ACOT7: variants seen among roughly 807,000 people sequenced by gnomAD.
ACOT7 encodes the protein cytosolic acyl coenzyme A thioester hydrolase.
ACOT7 carries 12 observed loss-of-function variants against 40.2 expected under a neutral mutation model. The ratio of observed to expected loss-of-function variants is 0.30; its 90% CI spans 0.19 to 0.48. ACOT7 has a LOEUF of 0.48. Ranked by LOEUF, ACOT7 falls within the 20% of genes least tolerant of loss-of-function variation. ACOT7 has a pLI of 0.99. For synonymous variants in ACOT7, 228 were observed against 219.5 expected, an observed-to-expected ratio of 1.04 and a Z score of -0.34; for missense variants, 395 against 530.8, an observed-to-expected ratio of 0.74 and a Z score of 2.51.
At chr1:6,393,127 G>A in intron 1 of ACOT7, 130 bp downstream of exon 1, 6 of 1,053,198 alleles carry the variant, frequency 5.7e-6, no homozygotes, top group Non-Finnish European at 7.1e-6. Flanking sequence ...CGGCGGCGCG[G>A]AAGGCCGTGC....
chr1:6,361,035 A>G (rs572539152), intron 1 of ACOT7, among the ~76,000 whole-genome samples: 1 of 152,368 alleles, frequency 6.6e-6, no homozygotes, highest in African/African-American at 2.4e-5. Context: ...ATGTCTAGAA[A>G]TGTTCATAGC....
At chr1:6,287,985 C>A (rs1037575066) in intron 7 of ACOT7, among the ~76,000 whole-genome samples, 1 of 152,176 alleles carries the variant, frequency 6.6e-6, no homozygotes, top group Non-Finnish European at 1.5e-5. Context: ...TAGGTTTTCT[C>A]ACCAAGTGCT....
chr1:6,295,261 G>A (rs1639780853), intron 6 of ACOT7: 1 of 268,574 alleles, frequency 3.7e-6, no homozygotes, highest in Non-Finnish European at 7.1e-6. Context: ...TGCTGGGCAA[G>A]TTTTGTTACA....
rs1429161353 is a variant in ACOT7 at position 6,289,830 on chromosome 1, C to T, written c.829+5034G>A. Among the ~76,000 whole-genome samples the T allele has an allele frequency of 6.6e-6, 1 of 152,112 alleles. No homozygotes were observed. Among genetic ancestry groups the T allele is most frequent in the Non-Finnish European group, 1.5e-5 (1 of 68,038 alleles). On this transcript the variant is annotated intron_variant, in intron 7 of 8. Coordinates refer to ENST00000361521, the MANE Select transcript of ACOT7 (RefSeq NM_007274.4). This position sits in a 1 kb window ranked among gnomAD's most constrained non-coding sequence, Gnocchi z 4.6. Reference sequence around the variant, plus strand: ...CAGGCTTGAGCCATCGTGCCCAGGCCCAGCTATTTTTCTAATAAAATATGC... The same window carrying T: ...CAGGCTTGAGCCATCGTGCCCAGGCTCAGCTATTTTTCTAATAAAATATGC...
rs565129079 is a variant in ACOT7, at chr1:6,311,241, T to C, written c.712+7251A>G. Among the ~76,000 whole-genome samples the C allele has an allele frequency of 6.6e-6, 1 of 152,212 alleles. No homozygotes were observed. The highest frequency in any genetic ancestry group is 1.5e-5 in the Non-Finnish European group (1 of 68,038). On this transcript the variant is annotated intron_variant, in intron 6 of 8. Coordinates refer to ENST00000361521, the MANE Select transcript of ACOT7 (RefSeq NM_007274.4). This position sits in a 1 kb window ranked among gnomAD's most constrained non-coding sequence, Gnocchi z 5.2. The stretch of plus-strand genomic sequence containing the variant: ...TAGTTTTTACTCAGAGCCGATGTGA[T>C]CAGTAAACGTTGAGGTTCTTTTCTA...
At position 6,359,833 on chromosome 1, in the gene ACOT7, A is replaced by G. The variant is rs12735675; in HGVS notation, c.144-9967T>C. ...GAGTGCAGGCCGCACAGCCTCAACC[A>G]GGCTGCACCCGCCGGCCTCTGGGCA... On this transcript the variant is annotated intron_variant, in intron 1 of 8. Coordinates refer to ENST00000361521, the MANE Select transcript of ACOT7 (RefSeq NM_007274.4). The surrounding 1 kb of genome is among the most constrained non-coding windows in gnomAD (Gnocchi z 4.1). 2.6e-5 allele frequency among the ~76,000 whole-genome samples: 4 copies of G among 152,136 alleles called. No homozygotes were observed. The highest frequency in any genetic ancestry group is 5.9e-5 in the Non-Finnish European group (4 of 68,044).
intron 8 of ACOT7, among the ~76,000 whole-genome samples, chr1:6,276,988 C>T (rs1033785975): frequency 6.7e-6 from 1 of 150,290 alleles, no homozygotes; most frequent in Non-Finnish European, 1.5e-5. Flanking sequence ...TGCACTCTGA[C>T]CACCCCCCCC....
intron 8 of ACOT7, among the ~76,000 whole-genome samples, chr1:6,271,607 G>A (rs1386832735): frequency 6.7e-6 from 1 of 148,670 alleles, no homozygotes; most frequent in Non-Finnish European, 1.5e-5. Flanking sequence ...GAGCCTGTCC[G>A]CCATCCGCTG....
chr1:6,354,449 G>A (rs959592039), intron 1 of ACOT7, among the ~76,000 whole-genome samples: 1 of 152,276 alleles, frequency 6.6e-6, no homozygotes, highest in African/African-American at 2.4e-5. Context: ...CCCAAAAGGG[G>A]GTGAAGAAGC....
At chr1:6,384,574 T>G (rs554137995) in intron 1 of ACOT7, among the ~76,000 whole-genome samples, 1 of 151,922 alleles carries the variant, frequency 6.6e-6, no homozygotes, top group African/African-American at 2.4e-5. Context: ...CTTCTCCAAC[T>G]CTCCGACACT....
intron 6 of ACOT7, among the ~76,000 whole-genome samples, chr1:6,305,076 AC>A (rs1250445579): frequency 1.5e-5 from 2 of 132,906 alleles, no homozygotes; most frequent in African/African-American, 2.9e-5. Context: ...CGGGGGGCTG[AC>A]CCCCCCACAT....
At chr1:6,332,370 A>G (rs1640979221) in intron 4 of ACOT7, among the ~76,000 whole-genome samples, 1 of 152,058 alleles carries the variant, frequency 6.6e-6, no homozygotes, top group Non-Finnish European at 1.5e-5. Flanking sequence ...GGCACAGGAG[A>G]AGGAGGCGAG....
At chr1:6,338,000 CAAAAAAAA>C (rs769360339) in intron 3 of ACOT7, among the ~76,000 whole-genome samples, 3 of 71,812 alleles carry the variant, frequency 4.2e-5, no homozygotes, top group African/African-American at 8.1e-5. Flanking sequence ...GACACCATCT[CAAAAAAAA>C]AAAAAAAAAA....
chr1:6,267,344 A>T (rs1638881198), intron 8 of ACOT7, among the ~76,000 whole-genome samples: 1 of 152,172 alleles, frequency 6.6e-6, no homozygotes, highest in African/African-American at 2.4e-5. Context: ...GGCTCTGCGG[A>T]GCCAACGCCA....
At chr1:6,380,545 C>T (rs148493260) in intron 1 of ACOT7, among the ~76,000 whole-genome samples, 7,572 of 147,424 alleles carry the variant, frequency 0.051, 336 homozygotes, top group Middle Eastern at 0.082. Flanking sequence ...GCTGAGATCA[C>T]GCCACTGCAC....
At chr1:6,349,043 C>G (rs979964653) in intron 2 of ACOT7, among the ~76,000 whole-genome samples, 3 of 152,192 alleles carry the variant, frequency 2.0e-5, no homozygotes, top group African/African-American at 7.2e-5. Flanking sequence ...AAGGCAGACG[C>G]CCTGTCCTCA....
intron 2 of ACOT7, among the ~76,000 whole-genome samples, chr1:6,348,733 C>A (rs2148454361): frequency 6.6e-6 from 1 of 152,348 alleles, no homozygotes; most frequent in African/African-American, 2.4e-5. Context: ...CCATTGTTCA[C>A]AAGCCAGCAG....
rs1640169570 is a variant in ACOT7, at chr1:6,306,812, A to C, written c.712+11680T>G. ...CCACGTAGCAGTGGGGGCTCCGGCC[A>C]AACAAGGTCACGGAATTGGAAAAGA... is the stretch of plus-strand genomic sequence containing the variant. On this transcript the variant is annotated intron_variant, in intron 6 of 8. Coordinates refer to ENST00000361521, the MANE Select transcript of ACOT7 (RefSeq NM_007274.4). The surrounding 1 kb of genome is among the most constrained non-coding windows in gnomAD (Gnocchi z 4.3). 1.6e-6 allele frequency: 2 copies of C among 1,288,926 alleles called. No homozygotes were observed. The highest frequency in any genetic ancestry group is 4.6e-5 in the Admixed American group (2 of 43,532). 79.8% of individuals were successfully genotyped at this position (1,288,926 alleles called of 1,614,324 possible). A position where few individuals can be genotyped will look rare whatever the true frequency, so the allele number is the denominator to read the frequency against.
intron 1 of ACOT7, among the ~76,000 whole-genome samples, chr1:6,353,785 A>G (rs929209133): frequency 3.3e-5 from 5 of 152,162 alleles, no homozygotes; most frequent in Non-Finnish European, 7.4e-5. Flanking sequence ...TGAGTCTGAC[A>G]TGTTATTCCT....
Sources: allele counts gnomAD v4.1 joint callset (sites outside exome capture counted in the v4.1 genomes callset), GRCh38; gene constraint gnomAD v4.1.1; non-coding constraint Gnocchi (gnomAD v3.1); transcripts MANE v1.5; gene names NCBI Gene and HGNC (gene_info 2026-07-23, HGNC 2026-07-21).